TSPAN31: variants seen among roughly 807,000 people sequenced by gnomAD.
TSPAN31 encodes tetraspanin-31.
A neutral mutation model predicts 24.8 loss-of-function variants in TSPAN31; 16 were observed. The ratio of observed to expected loss-of-function variants is 0.64; its 90% confidence interval spans 0.44 to 0.98. The LOEUF is 0.98. TSPAN31 is among the 50% of genes least tolerant of loss of function. The pLI is 0.00. For synonymous variants in TSPAN31, 87 were observed against 91.4 expected (o/e 0.95, Z 0.27); for missense variants, 209 against 251.6 (o/e 0.83, Z 1.15).
At position 57,749,484 on chromosome 12, in the gene TSPAN31, G is replaced by C. The variant is rs1955206224; in HGVS notation, c.*2194G>C. 1 of 1,614,220 alleles carries C rather than the reference G, an allele frequency of 6.2e-7. No individual in the cohort carries two copies. The highest frequency in any genetic ancestry group is 8.5e-7 in the Non-Finnish European group (1 of 1,180,022). On this transcript the variant is annotated 3_prime_UTR_variant, in exon 6 of 6. Coordinates refer to ENST00000257910, the MANE Select transcript of TSPAN31 (RefSeq NM_005981.5). ...GATTTTGCCCAACTGGTCGGCTTCAGAGTTTCCACAGAAGAGAGGCCTAAG... is the reference window on the plus strand; with the variant it reads ...GATTTTGCCCAACTGGTCGGCTTCACAGTTTCCACAGAAGAGAGGCCTAAG...
In TSPAN31 at chr12:57,748,374, G is replaced by A; in HGVS notation, c.*1084G>A. 1 of 733,998 alleles carries A rather than the reference G, an allele frequency of 1.4e-6. No homozygotes were observed. Among genetic ancestry groups the A allele is most frequent in the Non-Finnish European group, 2.5e-6 (1 of 397,004 alleles). 45.5% of individuals were successfully genotyped at this position (733,998 alleles called of 1,614,324 possible). On this transcript the variant is annotated 3_prime_UTR_variant, in exon 6 of 6. Transcript: ENST00000257910. ...GGAGAAGCCTCAAAAGGAGAGGTGG[G>A]AGGGGAATGTCATTAAGGCAGCAAA...
Position 57,748,921 on chromosome 12 carries a change from G to A in TSPAN31, c.*1631G>A. On this transcript the variant is annotated 3_prime_UTR_variant, in exon 6 of 6. Coordinates refer to ENST00000257910, the MANE Select transcript of TSPAN31 (RefSeq NM_005981.5). ...AGGTTTCACCATGTTGGCCAGGCTG[G>A]TCTCGAACTCCTGACCTCAGGTGAT... 1.8e-6 allele frequency: 1 copy of A among 562,730 alleles called. No individual in the cohort carries two copies. The highest frequency in any genetic ancestry group is 3.2e-6 in the Non-Finnish European group (1 of 315,744). 34.9% of individuals were successfully genotyped at this position (562,730 alleles called of 1,614,324 possible).
rs1955210907 is a variant in TSPAN31 at position 57,749,794 on chromosome 12, C to G, written c.*2504C>G. The G allele has an allele frequency of 2.1e-6, 1 of 469,530 alleles. No individual in the cohort carries two copies. The highest frequency in any genetic ancestry group is 2.0e-5 in the African/African-American group (1 of 51,004). The allele number at this position is 469,530 out of a possible 1,614,324, so 29.1% of individuals were successfully genotyped here. On this transcript the variant is annotated 3_prime_UTR_variant, in exon 6 of 6. Transcript: ENST00000257910. ...TGGGTGGATCATGAGGTCAAGAGAT[C>G]GAGACCATCCTGGCCAACATGGTGA...
Position 57,749,132 on chromosome 12 carries a change from C to G in TSPAN31, c.*1842C>G, listed in dbSNP as rs1454554308. ...CAGGGCCCTGCATACTGCTCTATTT[C>G]TTTCCCCAGTCTCTATTTCTTTCCC... On this transcript the variant is annotated 3_prime_UTR_variant, in exon 6 of 6. Coordinates refer to ENST00000257910, the MANE Select transcript of TSPAN31 (RefSeq NM_005981.5). 1 of 1,612,928 alleles carries G rather than the reference C, an allele frequency of 6.2e-7. No homozygotes were observed. The highest frequency in any genetic ancestry group is 1.3e-5 in the African/African-American group (1 of 75,030).
chr12:57,745,876 G>C lies in TSPAN31; in HGVS notation c.195G>C (p.Val65=). 6.2e-7 allele frequency: 1 copy of C among 1,612,496 alleles called. No homozygotes were observed. The highest frequency in any genetic ancestry group is 8.5e-7 in the Non-Finnish European group (1 of 1,179,334). Residue 65 remains valine, a synonymous_variant, in exon 2 of 6, where the codon GTG becomes GTC. Transcript: ENST00000257910. ...TCCTTATTGCAGTGGCTGGACTGGT[G>C]GGTGCTGTCAACCACCACCAAGTCC... ...FLLLIAVAGL[V]GAVNHHQVLL...
At chr12:57,746,949 T>C (rs1034533545) in intron 4 of TSPAN31, 69 bp from the exon 5 acceptor site, 9 of 1,449,010 alleles carry the variant, frequency 6.2e-6, no homozygotes, top group African/African-American at 1.4e-5. Flanking sequence ...TCTAGGGACA[T>C]TCGGCATAGG....
In TSPAN31 at chr12:57,746,951, C is replaced by T. The variant is rs1023786638; in HGVS notation, c.445-67C>T. 22 of 1,445,272 alleles carry T rather than the reference C, an allele frequency of 1.5e-5. 1 individual carries two copies. The highest frequency in any genetic ancestry group is 1.8e-4 in the Middle Eastern group (1 of 5,660). The allele number at this position is 1,445,272 out of a possible 1,614,324, so 89.5% of individuals were successfully genotyped here. ...TAACAGTAAAGTTTCTAGGGACATT[C>T]GGCATAGGTATTAGTCACTAGCAAC... On this transcript the variant is annotated intron_variant, in intron 4 of 5. Transcript: ENST00000257910.
chr12:57,745,783 C>G lies in TSPAN31; in HGVS notation c.102C>G (p.Gly34=). ...SLLLIGVAAW[G]KGLGLVSSIH... ...TGCTCATTGGAGTGGCTGCTTGGGGCAAGGGCCTGGGTCTGGTGTCCAGCA... is the reference window on the plus strand; with the variant it reads ...TGCTCATTGGAGTGGCTGCTTGGGGGAAGGGCCTGGGTCTGGTGTCCAGCA... The change falls in exon 2 of 6, where the codon GGC becomes GGG. Residue 34 remains glycine, a synonymous_variant. Coordinates refer to ENST00000257910, the MANE Select transcript of TSPAN31 (RefSeq NM_005981.5). 1 of 1,613,540 alleles carries G rather than the reference C, an allele frequency of 6.2e-7. No homozygotes were observed. The highest frequency in any genetic ancestry group is 1.1e-5 in the South Asian group (1 of 91,044).
At position 57,747,231 on chromosome 12, in the gene TSPAN31, C is replaced by T. The variant is rs1317166801; in HGVS notation, c.574C>T (p.Leu192=). ...GTTCCTACAGATCCTTGGTGTTTGG[C>T]TAGCAATGAGATTTCGGAATCAGAA... ...FSFTEILGVW[L]AMRFRNQKDP... Residue 192 remains leucine (L), a synonymous_variant, in exon 6 of 6, where the codon CTA becomes TTA. Coordinates refer to ENST00000257910, the MANE Select transcript of TSPAN31 (RefSeq NM_005981.5). 6.2e-7 allele frequency: 1 copy of T among 1,614,170 alleles called. No homozygotes were observed. Among genetic ancestry groups the T allele is most frequent in the South Asian group, 1.1e-5 (1 of 91,084 alleles).
chr12:57,745,102 C>G lies in TSPAN31; in HGVS notation c.-53C>G, dbSNP rs1955130579. The G allele has an allele frequency of 2.0e-6, 3 of 1,534,352 alleles. No homozygotes were observed. The highest frequency in any genetic ancestry group is 1.4e-5 in the African/African-American group (1 of 73,092). ...TGTCGGGGTCCTGGAAGACGGTCCC[C>G]AATACCCTCCCCCCAAGTCCTTGGG... On this transcript the variant is annotated 5_prime_UTR_variant, in exon 1 of 6. Transcript: ENST00000257910.
rs376259817 is a variant in TSPAN31, at chr12:57,746,166, T to G, written c.232-10T>G. The G allele has an allele frequency of 7.4e-6, 12 of 1,612,666 alleles. No individual in the cohort carries two copies. The highest frequency in any genetic ancestry group is 6.7e-5 in the East Asian group (3 of 44,882). ...AATCTAGGACTTTTTTCCATAACCT[T>G]TCCTCTCAGTACATGATCATCCTTG... On this transcript the variant is annotated splice_polypyrimidine_tract_variant and intron_variant, in intron 2 of 5. Transcript: ENST00000257910.
rs770044583 is a variant in TSPAN31, at chr12:57,748,513, C to G, written c.*1223C>G. 6.3e-7 allele frequency: 1 copy of G among 1,591,486 alleles called. No homozygotes were observed. Among genetic ancestry groups the G allele is most frequent in the Admixed American group, 1.7e-5 (1 of 59,990 alleles). On this transcript the variant is annotated 3_prime_UTR_variant, in exon 6 of 6. Transcript: ENST00000257910. The stretch of plus-strand genomic sequence containing the variant: ...GCAGCTTTTCTTCCTTCCATGGCAG[C>G]CACTCCATTGCTCACTCCGGATTAC...
Position 57,749,014 on chromosome 12 carries a change from T to G in TSPAN31, c.*1724T>G. ...AGCCACCGTGCCCAGCCAGGATGGG[T>G]TCTCTTCTATATCCTTCTCTGTGGG... On this transcript the variant is annotated 3_prime_UTR_variant, in exon 6 of 6. Transcript: ENST00000257910. The G allele has an allele frequency of 1.1e-5, 10 of 877,278 alleles. No individual in the cohort carries two copies. The highest frequency in any genetic ancestry group is 1.8e-5 in the Non-Finnish European group (10 of 548,608). 54.3% of individuals were successfully genotyped at this position (877,278 alleles called of 1,614,324 possible).
chr12:57,745,440 G>GC, intron 1 of TSPAN31: 1 of 615,878 alleles, frequency 1.6e-6, no homozygotes, highest in Non-Finnish European at 2.8e-6. Flanking sequence ...GGCCGTGGGC[G>GC]TAAGTTCCAT....
At chr12:57,745,631 T>C in intron 1 of TSPAN31, 114 bp from the exon 2 acceptor site, 1 of 1,342,590 alleles carries the variant, frequency 7.4e-7, no homozygotes, top group Non-Finnish European at 1.0e-6. Flanking sequence ...CAGCTCCCAT[T>C]CACACACTAT....
rs1240084086 is a variant in TSPAN31 at position 57,748,677 on chromosome 12, A to G, written c.*1387A>G. The G allele has an allele frequency of 9.0e-7, 1 of 1,113,442 alleles. No homozygotes were observed. Among genetic ancestry groups the G allele is most frequent in the Non-Finnish European group, 1.4e-6 (1 of 724,134 alleles). The allele number at this position is 1,113,442 out of a possible 1,614,324, so 69.0% of individuals were successfully genotyped here. ...GAAAACAGACTTCTGCCCACCCACA[A>G]CAATACCTGGGATGAGCTTTCTTCT... On this transcript the variant is annotated 3_prime_UTR_variant, in exon 6 of 6. Coordinates refer to ENST00000257910, the MANE Select transcript of TSPAN31 (RefSeq NM_005981.5).
chr12:57,746,976 C>G (rs1035942830), intron 4 of TSPAN31, 42 bp from the exon 5 acceptor site: 3 of 1,569,222 alleles, frequency 1.9e-6, no homozygotes, highest in Non-Finnish European at 2.6e-6. Context: ...TCACTAGCAA[C>G]TTTACATTCA....
rs1212212860 is a variant in TSPAN31 at position 57,745,903 on chromosome 12, G to A, written c.222G>A (p.Leu74=). The part of the protein sequence containing the change: ...LVGAVNHHQV[L]LFFYMIILGL... ...GTGCTGTCAACCACCACCAAGTCCT[G>A]CTGTTCTTTGTATCCTGACCTGAAG... Residue 74 remains leucine (L), a synonymous_variant, in exon 2 of 6, where the codon CTG becomes CTA. Transcript: ENST00000257910. 4 of 1,604,320 alleles carry A rather than the reference G, an allele frequency of 2.5e-6. No individual in the cohort carries two copies. The Admixed American group carries it at 6.9e-5, about 28-fold the overall frequency.
At position 57,748,221 on chromosome 12, in the gene TSPAN31, T is replaced by TA. The variant is rs59185470; in HGVS notation, c.*945dup. ...CAAAGCCAAACAGAGGAAGAAACAT[T>TA]AAAAAAAAAAAAAAGACCATTATTT... On this transcript the variant is annotated 3_prime_UTR_variant, in exon 6 of 6. Coordinates refer to ENST00000257910, the MANE Select transcript of TSPAN31 (RefSeq NM_005981.5). 24,042 of 314,530 alleles carry TA rather than the reference T, an allele frequency of 0.076. 101 individuals are homozygous for TA. Among genetic ancestry groups the TA allele is most frequent in the Middle Eastern group, 0.089 (91 of 1,018 alleles). The allele number at this position is 314,530 out of a possible 1,614,324, so 19.5% of individuals were successfully genotyped here. A position where few individuals can be genotyped will look rare whatever the true frequency, so the allele number is the denominator to read the frequency against.
Sources: gnomAD v4.1 joint callset for allele counts on GRCh38, gnomAD v4.1.1 for gene constraint, MANE v1.5 for transcripts, NCBI Gene and HGNC (gene_info 2026-07-23, HGNC 2026-07-21) for gene names.